BMP6: variants seen among roughly 807,000 people sequenced by gnomAD.
BMP6 encodes VG-1-R.
In BMP6, 17 loss-of-function variants were observed where a neutral mutation model predicts 54.1. The observed-to-expected ratio is 0.31, with a 90% confidence interval of 0.22 to 0.47. The LOEUF (loss-of-function observed/expected upper bound fraction) is 0.47, where lower values mean the gene tolerates loss of function less well. Among genes scored for constraint, BMP6 ranks in the 20% least tolerant of loss-of-function variants. The pLI is 1.00. For synonymous variants in BMP6, 328 were observed against 291.2 expected, an observed-to-expected ratio of 1.13 and a Z score of -1.28; for missense variants, 720 against 690.4, an observed-to-expected ratio of 1.04 and a Z score of -0.48.
intron 4 of BMP6, among the ~76,000 whole-genome samples, chr6:7,872,852 G>A (rs370872414): frequency 6.9e-5 from 9 of 129,654 alleles, no homozygotes; most frequent in Admixed American, 3.7e-4. Flanking sequence ...TTGCTTTCTC[G>A]CCCAGGCTGG....
chr6:7,747,015 ACT>A (rs1344201647), intron 1 of BMP6, among the ~76,000 whole-genome samples: 1 of 151,722 alleles, frequency 6.6e-6, no homozygotes, highest in Non-Finnish European at 1.5e-5. Context: ...CCGGTGACAC[ACT>A]CTCCTCCTTT....
chr6:7,745,477 C>G (rs989779685), intron 1 of BMP6, among the ~76,000 whole-genome samples: 5 of 152,176 alleles, frequency 3.3e-5, no homozygotes, highest in African/African-American at 1.2e-4. Flanking sequence ...ACTATGTTGC[C>G]CAGGCTGGTG....
rs915176611 is a variant in BMP6 at position 7,822,897 on chromosome 6, T to TGTG, written c.665-22243_665-22242insGTG. Among the ~76,000 whole-genome samples the TGTG allele has an allele frequency of 6.0e-3, 727 of 121,342 alleles. 11 individuals are homozygous for TGTG. The highest frequency in any genetic ancestry group is 0.022 in the African/African-American group (702 of 31,976). 79.6% of individuals were successfully genotyped at this position (121,342 alleles called of 152,430 possible). On this transcript the variant is annotated intron_variant, in intron 1 of 6. Transcript: ENST00000283147. ...CATGCTACAGTAGGATTGGTGCTGGTTGTGTGTGTGTGTGTGTGTGTGTGT... is the reference window on the plus strand; with the variant it reads ...CATGCTACAGTAGGATTGGTGCTGGTGTGTGTGTGTGTGTGTGTGTGTGTGTGT...
chr6:7,740,435 G>A (rs1762025808), intron 1 of BMP6, among the ~76,000 whole-genome samples: 2 of 151,990 alleles, frequency 1.3e-5, no homozygotes, highest in African/African-American at 4.8e-5. Flanking sequence ...AAGTGCATTC[G>A]TAGAAAAATG....
At chr6:7,761,178 C>G (rs1757607776) in intron 1 of BMP6, among the ~76,000 whole-genome samples, 1 of 152,214 alleles carries the variant, frequency 6.6e-6, no homozygotes, top group African/African-American at 2.4e-5. Flanking sequence ...CTTATACACA[C>G]AGCTGTTTTA....
chr6:7,834,162 G>A (rs1002313693), intron 1 of BMP6, among the ~76,000 whole-genome samples: 1 of 148,106 alleles, frequency 6.8e-6, no homozygotes, highest in African/African-American at 2.5e-5. Flanking sequence ...TCTGGCTGGT[G>A]GTGTTCCTCA....
At chr6:7,764,945 C>G (rs1217544324) in intron 1 of BMP6, among the ~76,000 whole-genome samples, 1 of 152,176 alleles carries the variant, frequency 6.6e-6, no homozygotes, top group South Asian at 2.1e-4. Context: ...TTCATGCCTT[C>G]ATTTATATAA....
At chr6:7,807,913 C>CTTT (rs755894743) in intron 1 of BMP6, among the ~76,000 whole-genome samples, 139 of 81,492 alleles carry the variant, frequency 1.7e-3, no homozygotes, top group African/African-American at 2.4e-3. Flanking sequence ...GAAGTCTTTA[C>CTTT]TTTTTTTTTT....
intron 1 of BMP6, among the ~76,000 whole-genome samples, chr6:7,784,091 T>G (rs953731205): frequency 3.0e-4 from 46 of 152,362 alleles, no homozygotes; most frequent in African/African-American, 1.1e-3. Flanking sequence ...AATCTAAACA[T>G]TCTTTAGCAA....
At chr6:7,841,864 G>A (rs1394999207) in intron 1 of BMP6, among the ~76,000 whole-genome samples, 1 of 152,134 alleles carries the variant, frequency 6.6e-6, no homozygotes, top group Non-Finnish European at 1.5e-5. Context: ...GAGGCAATGG[G>A]TTCTATTTTA....
intron 2 of BMP6, among the ~76,000 whole-genome samples, chr6:7,855,896 C>G (rs1329647588): frequency 6.6e-6 from 1 of 151,942 alleles, no homozygotes; most frequent in African/African-American, 2.4e-5. Flanking sequence ...GTATTTACCT[C>G]TTACGGTTGT....
chr6:7,774,395 CAA>C (rs1265549245), intron 1 of BMP6, among the ~76,000 whole-genome samples: 1 of 152,194 alleles, frequency 6.6e-6, no homozygotes, highest in Non-Finnish European at 1.5e-5. Flanking sequence ...ACTAAAACTA[CAA>C]AAACTAGCTG....
At chr6:7,754,444 C>T (rs1227102901) in intron 1 of BMP6, among the ~76,000 whole-genome samples, 1 of 152,136 alleles carries the variant, frequency 6.6e-6, no homozygotes, top group Non-Finnish European at 1.5e-5. Flanking sequence ...CTTGCTCTAT[C>T]AATTACTGGA....
At chr6:7,748,064 T>C (rs1030110336) in intron 1 of BMP6, among the ~76,000 whole-genome samples, 9 of 152,208 alleles carry the variant, frequency 5.9e-5, no homozygotes, top group Non-Finnish European at 1.0e-4. Flanking sequence ...CTTTGTTCCC[T>C]TGGAACCTTT....
At chr6:7,730,356 T>C (rs1218291509) in intron 1 of BMP6, among the ~76,000 whole-genome samples, 2 of 152,174 alleles carry the variant, frequency 1.3e-5, no homozygotes, top group African/African-American at 2.4e-5. Context: ...CACCCAGTAG[T>C]GCAATTCCAG....
In BMP6 at chr6:7,862,482, G is replaced by A; in HGVS notation, c.1188G>A (p.Arg396=). The A allele has an allele frequency of 6.2e-7, 1 of 1,614,002 alleles. No homozygotes were observed. The highest frequency in any genetic ancestry group is 8.5e-7 in the Non-Finnish European group (1 of 1,179,998). The change falls in exon 4 of 7, where the codon CGG becomes CGA. Residue 396 remains arginine, a synonymous_variant. Coordinates refer to ENST00000283147, the MANE Select transcript of BMP6 (RefSeq NM_001718.6). ...CTACCCAGTCCCAGGACGTGGCGCG[G>A]GTCTCCAGTGCTTCAGGTGGGTTTG... The part of the protein sequence containing the change: ...NRSTQSQDVA[R]VSSASDYNSS...
At chr6:7,871,114 G>A (rs1216011270) in intron 4 of BMP6, among the ~76,000 whole-genome samples, 1 of 152,144 alleles carries the variant, frequency 6.6e-6, no homozygotes, top group Non-Finnish European at 1.5e-5. Flanking sequence ...ATAAAGGAAA[G>A]CAGAATATTT....
intron 1 of BMP6, among the ~76,000 whole-genome samples, chr6:7,790,450 G>A (rs1202075953): frequency 2.0e-5 from 3 of 148,250 alleles, no homozygotes; most frequent in East Asian, 2.0e-4. Flanking sequence ...CCCTGGAGGT[G>A]GAGGTTTCAG....
chr6:7,815,571 C>G (rs1240474358), intron 1 of BMP6, among the ~76,000 whole-genome samples: 2 of 152,124 alleles, frequency 1.3e-5, no homozygotes, highest in African/African-American at 4.8e-5. Context: ...AGTGGCAAAA[C>G]CTTAGTCTTG....
Sources: allele counts gnomAD v4.1 joint callset (sites outside exome capture counted in the v4.1 genomes callset), GRCh38; gene constraint gnomAD v4.1.1; transcripts MANE v1.5; gene names NCBI Gene and HGNC (gene_info 2026-07-23, HGNC 2026-07-21).